NRDC: variants seen among roughly 807,000 people sequenced by gnomAD.
The protein encoded by NRDC is nardilysin convertase, also known as nardilysin.
In NRDC, 54 loss-of-function variants were observed where a neutral mutation model predicts 147.1. The ratio of observed to expected loss-of-function variants is 0.37; its 90% CI spans 0.29 to 0.46. The LOEUF (loss-of-function observed/expected upper bound fraction) is 0.46, where lower values mean the gene tolerates loss of function less well. Ranked by LOEUF, NRDC falls within the 20% of genes least tolerant of loss-of-function variation. The pLI is 1.00. For missense variants in NRDC, 1,082 were observed against 1,370.6 expected, an observed-to-expected ratio of 0.79 and a Z score of 3.33; for synonymous variants, 440 against 482.1, an observed-to-expected ratio of 0.91 and a Z score of 1.14.
At chr1:51,843,793 C>T (rs1268257452) in intron 1 of NRDC, among the ~76,000 whole-genome samples, 1 of 151,194 alleles carries the variant, frequency 6.6e-6, no homozygotes, top group Non-Finnish European at 1.5e-5. Flanking sequence ...AGATGAATCT[C>T]AGAGATGCAG....
rs1678693568 is a variant in NRDC at position 51,792,299 on chromosome 1, TA to T, written c.2823+77del. ...CAGATCTCTGACTACCCCATGTCCCTAACCCAGGCAGAAAAGGCCGGGCCTC... is the reference window on the plus strand; with the variant it reads ...CAGATCTCTGACTACCCCATGTCCCTACCCAGGCAGAAAAGGCCGGGCCTC... On this transcript the variant is annotated intron_variant, in intron 25 of 30. Transcript: ENST00000352171. 8.8e-6 allele frequency: 13 copies of T among 1,483,202 alleles called. No homozygotes were observed. The Admixed American group carries it at 2.2e-4, about 25-fold the overall frequency. 91.9% of individuals were successfully genotyped at this position (1,483,202 alleles called of 1,614,324 possible).
chr1:51,842,021 A>C (rs1026918327), intron 1 of NRDC, among the ~76,000 whole-genome samples: 1 of 152,070 alleles, frequency 6.6e-6, no homozygotes, highest in Non-Finnish European at 1.5e-5. Context: ...AAATACAAAA[A>C]ATTAGCCTGG....
In NRDC at chr1:51,831,956, G is replaced by A. The variant is rs17259321; in HGVS notation, c.866+2061C>T. Among the ~76,000 whole-genome samples the A allele has an allele frequency of 6.2e-3, 941 of 152,186 alleles. 6 individuals are homozygous for A. The highest frequency in any genetic ancestry group is 0.022 in the African/African-American group (896 of 41,512). ...AAAAAATAAATAAATAGTGGCATAT[G>A]CTTCCAATTTATAGGAATATGTCCA... On this transcript the variant is annotated intron_variant, in intron 4 of 30. Transcript: ENST00000352171.
chr1:51,799,442 T>C (rs1487475865), intron 21 of NRDC, among the ~76,000 whole-genome samples: 1 of 152,182 alleles, frequency 6.6e-6, no homozygotes. Context: ...TTTGTAACTT[T>C]CTGTGATCAG....
intron 22 of NRDC, 152 bp downstream of exon 22, chr1:51,798,097 T>A: frequency 1.5e-6 from 1 of 658,484 alleles, no homozygotes; most frequent in Non-Finnish European, 2.6e-6. Flanking sequence ...AGAAGAAAGC[T>A]GCCCAGCATC....
chr1:51,833,095 C>G (rs1051463878), intron 4 of NRDC, among the ~76,000 whole-genome samples: 8 of 152,126 alleles, frequency 5.3e-5, no homozygotes, highest in African/African-American at 1.7e-4. Flanking sequence ...GTGGTTATCT[C>G]TAGATTATAA....
chr1:51,809,445 T>C, intron 16 of NRDC, 44 bp from the exon 17 acceptor site: 1 of 1,226,870 alleles, frequency 8.2e-7, no homozygotes, highest in Non-Finnish European at 1.2e-6. Flanking sequence ...CAATGCAATG[T>C]TCAACATTCT....
intron 20 of NRDC, among the ~76,000 whole-genome samples, chr1:51,802,066 C>T (rs992765091): frequency 7.2e-5 from 11 of 152,150 alleles, no homozygotes; most frequent in African/African-American, 2.4e-4. Context: ...GGATTACAGG[C>T]GTGAGCCACC....
chr1:51,821,224 G>A (rs1300842481), intron 8 of NRDC, among the ~76,000 whole-genome samples: 1 of 152,006 alleles, frequency 6.6e-6, no homozygotes, highest in African/African-American at 2.4e-5. Flanking sequence ...TCACAGAAAA[G>A]CTCTAAATAA....
chr1:51,859,371 T>C (rs1257112292), intron 1 of NRDC, among the ~76,000 whole-genome samples: 1 of 152,240 alleles, frequency 6.6e-6, no homozygotes, highest in Non-Finnish European at 1.5e-5. Context: ...TGATACTTGC[T>C]TGCTTGTTTT....
intron 24 of NRDC, among the ~76,000 whole-genome samples, chr1:51,793,028 TCA>T (rs979028556): frequency 6.6e-6 from 1 of 152,212 alleles, no homozygotes; most frequent in African/African-American, 2.4e-5. Context: ...CAGGTTCCTC[TCA>T]CACAGACTCA....
chr1:51,814,818 AGGTGGGG>A lies in NRDC; in HGVS notation c.1440-12_1440-6del. ...AACAGTGCAAGAGCCCAGCATCTAC[AGGTGGGG>A]AAAAAATTAACCCAATCAATGTTCC... On this transcript the variant is annotated splice_region_variant and splice_polypyrimidine_tract_variant and intron_variant, in intron 11 of 30. Coordinates refer to ENST00000352171, the MANE Select transcript of NRDC (RefSeq NM_001101662.2). 1 of 1,568,690 alleles carries A rather than the reference AGGTGGGG, an allele frequency of 6.4e-7. No homozygotes were observed. Among genetic ancestry groups the A allele is most frequent in the Admixed American group, 2.0e-5 (1 of 49,192 alleles).
intron 3 of NRDC, 142 bp from the exon 4 acceptor site, chr1:51,834,312 T>C (rs190856868): frequency 4.4e-6 from 4 of 907,538 alleles, no homozygotes; most frequent in East Asian, 5.0e-5. Flanking sequence ...CTTTTTTTTT[T>C]CTTTGAGACA....
At chr1:51,836,371 G>T (rs538839400) in intron 2 of NRDC, 159 bp from the exon 3 acceptor site, 2 of 1,613,218 alleles carry the variant, frequency 1.2e-6, no homozygotes, top group South Asian at 2.2e-5. Flanking sequence ...AAACTCACCA[G>T]AACTGTGTCA....
chr1:51,828,551 TTATA>T (rs1680554936), intron 4 of NRDC, among the ~76,000 whole-genome samples: 1 of 152,126 alleles, frequency 6.6e-6, no homozygotes, highest in Non-Finnish European at 1.5e-5. Flanking sequence ...TAATTTTTAA[TTATA>T]TAAACTGTGA....
At chr1:51,801,257 T>A (rs1427995106) in intron 20 of NRDC, 1 of 66,340 alleles carries the variant, frequency 1.5e-5, no homozygotes, top group Non-Finnish European at 2.7e-5. Flanking sequence ...AGCCATTTTA[T>A]TGGCTTTTTT....
At chr1:51,797,255 GTAGAT>G (rs1678972883) in intron 22 of NRDC, among the ~76,000 whole-genome samples, 1 of 152,084 alleles carries the variant, frequency 6.6e-6, no homozygotes, top group Non-Finnish European at 1.5e-5. Flanking sequence ...CTGTTGTGCA[GTAGAT>G]TAGATTTTCA....
At chr1:51,870,844 C>T (rs183452016) in intron 1 of NRDC, among the ~76,000 whole-genome samples, 4 of 152,010 alleles carry the variant, frequency 2.6e-5, no homozygotes, top group African/African-American at 7.2e-5. Context: ...AGACAGTAAT[C>T]TATTACTGTC....
intron 15 of NRDC, 59 bp from the exon 16 acceptor site, chr1:51,810,463 T>A: frequency 1.3e-6 from 2 of 1,485,790 alleles, no homozygotes; most frequent in Admixed American, 2.1e-5. Flanking sequence ...TACATCTCTG[T>A]TAAAAAGGCA....
Sources: gnomAD v4.1 joint callset for allele counts (sites outside exome capture counted in the v4.1 genomes callset) on GRCh38, gnomAD v4.1.1 for gene constraint, MANE v1.5 for transcripts, NCBI Gene and HGNC (gene_info 2026-07-23, HGNC 2026-07-21) for gene names.